DOCK8: variants seen among roughly 807,000 people sequenced by gnomAD.
DOCK8 encodes dedicator of cytokinesis protein 8.
DOCK8 carries 141 observed loss-of-function variants against 245.6 expected under a neutral mutation model. The ratio of observed to expected loss-of-function variants is 0.57; its 90% CI spans 0.50 to 0.66. The LOEUF (loss-of-function observed/expected upper bound fraction) is 0.66. Ranked by LOEUF, DOCK8 falls within the 30% of genes least tolerant of loss-of-function variation. The pLI, the probability that DOCK8 is intolerant of heterozygous loss-of-function variation, is 0.00. For synonymous variants in DOCK8, 1,168 were observed against 970.2 expected (o/e 1.20, Z -3.79); for missense variants, 2,965 against 2,603.4 (o/e 1.14, Z -3.02).
At chr9:417,916 C>T (rs564070788) in intron 29 of DOCK8, 152 bp from the exon 30 acceptor site, 50 of 920,224 alleles carry the variant, frequency 5.4e-5, no homozygotes, top group Non-Finnish European at 1.9e-5. Flanking sequence ...CTGTGTTTTC[C>T]TATAGGTGAT....
intron 24 of DOCK8, among the ~76,000 whole-genome samples, chr9:395,722 C>G (rs533655388): frequency 6.6e-6 from 1 of 152,102 alleles, no homozygotes; most frequent in East Asian, 1.9e-4. Context: ...GACAAGGGGG[C>G]CCATATTGAC....
At chr9:268,248 T>C (rs2048079091) in intron 1 of DOCK8, 1 of 152,214 alleles carries the variant, frequency 6.6e-6, no homozygotes, top group Admixed American at 6.5e-5. Context: ...AAGTGACAGG[T>C]TTAATTGCCT....
chr9:274,639 T>TA (rs2048275261), intron 2 of DOCK8, among the ~76,000 whole-genome samples: 1 of 149,716 alleles, frequency 6.7e-6, no homozygotes, highest in African/African-American at 2.5e-5. Flanking sequence ...ATCATCAACT[T>TA]ATGTGGTGAT....
chr9:282,758 A>G lies in DOCK8; in HGVS notation c.157-3703A>G, dbSNP rs79281129. Among the ~76,000 whole-genome samples the G allele has an allele frequency of 5.2e-3, 787 of 151,970 alleles. 4 individuals carry two copies. Among genetic ancestry groups the G allele is most frequent in the South Asian group, 0.02 (98 of 4,810 alleles). On this transcript the variant is annotated intron_variant, in intron 2 of 47. Coordinates refer to ENST00000432829, the MANE Select transcript of DOCK8 (RefSeq NM_203447.4). ...GTATTATTCTCTGGCAGGAAGTGAA[A>G]TTTTTTCTCACTGATGATTGCACAC...
At position 325,709 on chromosome 9, in the gene DOCK8, C is replaced by T; in HGVS notation, c.866C>T (p.Ala289Val). ...ATTGAGCCCCTGTTTGCCAGCATTG[C>T]CCTCTACGATGTTAAAGAAAGGAAA... Reference protein sequence around the residue: ...IEIEPLFASIALYDVKERKKI... With the variant: ...IEIEPLFASIVLYDVKERKKI... Residue 289 changes from alanine (A) to valine (V), a missense_variant, in exon 8 of 48, where the codon GCC (alanine) becomes GTC (valine). Ala to Val is a moderately conservative substitution (Grantham distance 64, BLOSUM62 0). Coordinates refer to ENST00000432829, the MANE Select transcript of DOCK8 (RefSeq NM_203447.4). The T allele has an allele frequency of 6.2e-7, 1 of 1,613,952 alleles. No individual in the cohort carries two copies. The highest frequency in any genetic ancestry group is 2.2e-5 in the East Asian group (1 of 44,866).
chr9:211,897 C>A (rs918703551), upstream of DOCK8, among the ~76,000 whole-genome samples: 14 of 151,926 alleles, frequency 9.2e-5, no homozygotes, highest in African/African-American at 2.2e-4. Context: ...CACCGACCCC[C>A]CAAAAAATGT....
intron 11 of DOCK8, among the ~76,000 whole-genome samples, chr9:336,302 T>C (rs986395850): frequency 2.0e-5 from 3 of 152,240 alleles, no homozygotes; most frequent in African/African-American, 7.2e-5. Context: ...GCTATAGCTC[T>C]GGACTCTTGC....
chr9:269,050 C>T (rs73374519), intron 1 of DOCK8, among the ~76,000 whole-genome samples: 4,992 of 152,250 alleles, frequency 0.033, 256 homozygotes, highest in African/African-American at 0.11. Context: ...TACACGTACA[C>T]CTATCTATAT....
chr9:429,055 C>T (rs980895241), intron 35 of DOCK8, among the ~76,000 whole-genome samples: 6 of 152,226 alleles, frequency 3.9e-5, no homozygotes, highest in Non-Finnish European at 7.3e-5. Context: ...GCAGCCTCTG[C>T]GCCCTGGGCT....
At chr9:299,412 G>A (rs2049422223) in intron 4 of DOCK8, among the ~76,000 whole-genome samples, 1 of 152,032 alleles carries the variant, frequency 6.6e-6, no homozygotes, top group African/African-American at 2.4e-5. Flanking sequence ...CAGGCAGGTG[G>A]CACCATACTC....
intron 18 of DOCK8, among the ~76,000 whole-genome samples, chr9:373,566 C>G (rs572259893): frequency 1.5e-4 from 23 of 152,322 alleles, no homozygotes; most frequent in African/African-American, 5.1e-4. Flanking sequence ...GATCCTCCAT[C>G]TCTTTTGCTT....
At chr9:307,768 T>C (rs1375503842) in intron 5 of DOCK8, among the ~76,000 whole-genome samples, 1 of 152,074 alleles carries the variant, frequency 6.6e-6, no homozygotes, top group Non-Finnish European at 1.5e-5. Flanking sequence ...TGCACTCCCA[T>C]GTTTATTGCA....
chr9:415,058 G>C (rs1170659426), intron 29 of DOCK8, 107 bp downstream of exon 29: 2 of 1,492,064 alleles, frequency 1.3e-6, no homozygotes, highest in Admixed American at 1.7e-5. Flanking sequence ...GTTCATATGA[G>C]CAATTCTTCA....
At chr9:423,645 G>C (rs2056368034) in intron 33 of DOCK8, among the ~76,000 whole-genome samples, 1 of 152,156 alleles carries the variant, frequency 6.6e-6, no homozygotes, top group African/African-American at 2.4e-5. Context: ...GATGTGACTT[G>C]GAAACCCAGT....
intron 1 of DOCK8, among the ~76,000 whole-genome samples, chr9:233,643 A>G (rs964210812): frequency 7.2e-5 from 11 of 152,214 alleles, no homozygotes; most frequent in Admixed American, 5.2e-4. Context: ...TCCCTTTACC[A>G]TTATGTAATG....
At position 215,163 on chromosome 9, in the gene DOCK8, G is replaced by A. The variant is rs770378351; in HGVS notation, c.53+134G>A. The A allele has an allele frequency of 6.2e-5, 92 of 1,493,358 alleles. No individual in the cohort carries two copies. In the East Asian group the frequency reaches 2.5e-3, roughly 40 times the overall value. The allele number at this position is 1,493,358 out of a possible 1,614,324, so 92.5% of individuals were successfully genotyped here. On this transcript the variant is annotated intron_variant, in intron 1 of 47. Transcript: ENST00000432829. ...GCGGGGCGCGCCTGAGACCTGGGGC[G>A]CCCGGTTCCCGAGGCTGCGGCGGTG... is the stretch of plus-strand genomic sequence containing the variant.
At chr9:368,646 TA>T (rs2131187813) in intron 15 of DOCK8, 2 of 156,862 alleles carry the variant, frequency 1.3e-5, no homozygotes, top group East Asian at 3.3e-4. Context: ...AGGCAAAATA[TA>T]AATCAAATTA....
intron 17 of DOCK8, 52 bp from the exon 18 acceptor site, chr9:372,133 G>T: frequency 6.7e-7 from 1 of 1,490,240 alleles, no homozygotes. Context: ...TAAATTATCA[G>T]AATTATATGC....
chr9:429,268 A>C (rs147315025), intron 35 of DOCK8, among the ~76,000 whole-genome samples: 1 of 152,058 alleles, frequency 6.6e-6, no homozygotes, highest in East Asian at 1.9e-4. Context: ...TTCCTGGCCT[A>C]TTTTTCCCTT....
Sources: gnomAD v4.1 joint callset for allele counts (sites outside exome capture counted in the v4.1 genomes callset) on GRCh38, gnomAD v4.1.1 for gene constraint, MANE v1.5 for transcripts, NCBI Gene and HGNC (gene_info 2026-07-23, HGNC 2026-07-21) for gene names.